Variants in SLX4IP observed in about 807,000 individuals in gnomAD.
SLX4IP encodes the protein protein SLX4IP.
In SLX4IP, 34 loss-of-function variants were observed where a neutral mutation model predicts 32.9. The observed-to-expected ratio is 1.03, with a 90% CI of 0.79 to 1.38. SLX4IP has a LOEUF of 1.38. Among genes scored for constraint, SLX4IP ranks in the 40% most tolerant of loss-of-function variants. The pLI is 0.00. For synonymous variants in SLX4IP, 172 were observed against 171.7 expected, an observed-to-expected ratio of 1.00 and a Z score of -0.01; for missense variants, 444 against 479.0, an observed-to-expected ratio of 0.93 and a Z score of 0.68.
chr20:10,601,586 C>G (rs747460654), intron 5 of SLX4IP, 145 bp from the exon 6 acceptor site: 3 of 644,672 alleles, frequency 4.7e-6, no homozygotes, highest in South Asian at 1.8e-5. Flanking sequence ...CGGCAAACAC[C>G]GAAAGGATGG....
intron 4 of SLX4IP, among the ~76,000 whole-genome samples, chr20:10,581,245 CAGG>C (rs555837511): frequency 1.1e-3 from 167 of 152,064 alleles, no homozygotes; most frequent in Middle Eastern, 0.01. Context: ...GAGCTGATAG[CAGG>C]AGGTGTGGGC....
At position 10,482,339 on chromosome 20, in the gene SLX4IP, T is replaced by A. The variant is rs796190652; in HGVS notation, c.27+24108T>A. 4.6e-5 allele frequency among the ~76,000 whole-genome samples: 7 copies of A among 152,362 alleles called. 1 individual carries two copies. The highest frequency in any genetic ancestry group is 1.7e-4 in the African/African-American group (7 of 41,584). On this transcript the variant is annotated intron_variant, in intron 2 of 7. Coordinates refer to ENST00000334534, the MANE Select transcript of SLX4IP (RefSeq NM_001009608.3). ...TCACAGTGAAAGCCATGCCATTTAA[T>A]TTAATCGTGGTCTTATGCGGCTCTT...
At chr20:10,504,917 CTG>C (rs2065746333) in intron 2 of SLX4IP, among the ~76,000 whole-genome samples, 1 of 151,568 alleles carries the variant, frequency 6.6e-6, no homozygotes, top group Admixed American at 6.6e-5. Context: ...ACGGAAGACT[CTG>C]TAAAAGAAAC....
chr20:10,535,319 G>T (rs2066030710), intron 2 of SLX4IP, among the ~76,000 whole-genome samples: 1 of 152,110 alleles, frequency 6.6e-6, no homozygotes, highest in Admixed American at 6.6e-5. Context: ...GAAAGAACGT[G>T]CAGGTTTTGT....
chr20:10,517,049 C>T (rs1000411639), intron 2 of SLX4IP, among the ~76,000 whole-genome samples: 5 of 152,218 alleles, frequency 3.3e-5, no homozygotes, highest in African/African-American at 7.2e-5. Flanking sequence ...ATGGGAGGAA[C>T]TATGTATGAA....
At chr20:10,554,212 G>A (rs1188110269) in intron 2 of SLX4IP, among the ~76,000 whole-genome samples, 1 of 152,180 alleles carries the variant, frequency 6.6e-6, no homozygotes, top group Non-Finnish European at 1.5e-5. Context: ...GAACCATACA[G>A]TATATGTTAT....
intron 2 of SLX4IP, among the ~76,000 whole-genome samples, chr20:10,547,648 T>G (rs1478194964): frequency 6.6e-6 from 1 of 152,222 alleles, no homozygotes; most frequent in African/African-American, 2.4e-5. Flanking sequence ...GTGACAGTAT[T>G]CTGTGCATAC....
rs963786039 is a variant in SLX4IP at position 10,627,401 on chromosome 20, A to G, written c.*4022A>G. 58 of 152,246 alleles carry G rather than the reference A, an allele frequency of 3.8e-4. No homozygotes were observed. Among genetic ancestry groups the G allele is most frequent in the Non-Finnish European group, 1.5e-4 (10 of 68,042 alleles). The allele number at this position is 152,246 out of a possible 1,614,324, so 9.4% of individuals were successfully genotyped here. On this transcript the variant is annotated 3_prime_UTR_variant, in exon 8 of 8. Transcript: ENST00000334534. ...AGCCTTCCTTAGTACAAAATAAATT[A>G]AGCATTGTAAAACGAAGTTAATTCA...
At chr20:10,464,946 C>T (rs1382955107) in intron 2 of SLX4IP, among the ~76,000 whole-genome samples, 5 of 152,078 alleles carry the variant, frequency 3.3e-5, no homozygotes, top group Admixed American at 6.6e-5. Flanking sequence ...GCACTGCCAC[C>T]GCACAGCTGG....
chr20:10,491,989 A>T (rs935293208), intron 2 of SLX4IP, among the ~76,000 whole-genome samples: 1 of 152,238 alleles, frequency 6.6e-6, no homozygotes, highest in Non-Finnish European at 1.5e-5. Context: ...TAAATGGTAC[A>T]TGCTGTGCAT....
chr20:10,447,056 C>G (rs1568684802), intron 1 of SLX4IP, among the ~76,000 whole-genome samples: 1 of 152,022 alleles, frequency 6.6e-6, no homozygotes, highest in Non-Finnish European at 1.5e-5. Flanking sequence ...AGTTTTTAAC[C>G]CATCTGTAAT....
intron 2 of SLX4IP, among the ~76,000 whole-genome samples, chr20:10,487,143 A>G (rs1432674915): frequency 1.3e-5 from 2 of 152,194 alleles, no homozygotes; most frequent in Non-Finnish European, 2.9e-5. Flanking sequence ...GTTAAAAACA[A>G]AAACAACAAC....
chr20:10,592,646 T>A (rs2066723823), intron 4 of SLX4IP, among the ~76,000 whole-genome samples: 1 of 137,426 alleles, frequency 7.3e-6, no homozygotes, highest in African/African-American at 2.8e-5. Flanking sequence ...TTTTTTTTTT[T>A]TTTTTTGAGA....
chr20:10,566,703 G>A (rs1252668250), intron 4 of SLX4IP, among the ~76,000 whole-genome samples: 1 of 152,138 alleles, frequency 6.6e-6, no homozygotes, highest in Non-Finnish European at 1.5e-5. Flanking sequence ...CATTGAGTAA[G>A]GCCAGCTGCA....
intron 4 of SLX4IP, among the ~76,000 whole-genome samples, chr20:10,562,793 G>GT (rs1376247623): frequency 6.6e-6 from 1 of 152,030 alleles, no homozygotes; most frequent in African/African-American, 2.4e-5. Flanking sequence ...CATACAGCAC[G>GT]TTTTCTTTAT....
intron 6 of SLX4IP, chr20:10,613,147 G>A: frequency 2.2e-6 from 1 of 453,886 alleles, no homozygotes; most frequent in Non-Finnish European, 4.0e-6. Context: ...GCTGTGTACA[G>A]AAGATCCATG....
intron 2 of SLX4IP, among the ~76,000 whole-genome samples, chr20:10,480,036 G>T (rs1404676131): frequency 1.3e-5 from 2 of 151,818 alleles, no homozygotes; most frequent in Non-Finnish European, 2.9e-5. Context: ...GTAAACAGAT[G>T]AACAAAACTT....
In SLX4IP at chr20:10,601,162, T is replaced by G. The variant is rs1031336534; in HGVS notation, c.317-569T>G. On this transcript the variant is annotated intron_variant, in intron 5 of 7. Transcript: ENST00000334534. ...TATGGTGTAATTTTACCATCTTTATTGTATATTTAACCATTTTCTTAATAG... is the reference window on the plus strand; with the variant it reads ...TATGGTGTAATTTTACCATCTTTATGGTATATTTAACCATTTTCTTAATAG... 5.3e-5 allele frequency among the ~76,000 whole-genome samples: 8 copies of G among 152,216 alleles called. 1 individual carries two copies. Among genetic ancestry groups the G allele is most frequent in the Admixed American group, 2.0e-4 (3 of 15,284 alleles).
At chr20:10,618,093 A>C (rs1311362163) in intron 6 of SLX4IP, among the ~76,000 whole-genome samples, 1 of 152,196 alleles carries the variant, frequency 6.6e-6, no homozygotes, top group Non-Finnish European at 1.5e-5. Flanking sequence ...CCATACAGGA[A>C]TAGGGTAATA....
Sources: allele counts gnomAD v4.1 joint callset (sites outside exome capture counted in the v4.1 genomes callset), GRCh38; gene constraint gnomAD v4.1.1; transcripts MANE v1.5; gene names NCBI Gene and HGNC (gene_info 2026-07-23, HGNC 2026-07-21).